GSG1L: variants seen among roughly 807,000 people sequenced by gnomAD.
GSG1L encodes the protein germ cell-specific gene 1-like protein.
In GSG1L, 24 loss-of-function variants were observed where a neutral mutation model predicts 42.1. The observed-to-expected ratio is 0.57, with a 90% confidence interval of 0.41 to 0.80. GSG1L has a LOEUF of 0.80. Ranked by LOEUF, GSG1L falls within the 30% of genes least tolerant of loss-of-function variation. GSG1L has a pLI of 0.00. For missense variants in GSG1L, 445 were observed against 472.2 expected (o/e 0.94, Z 0.53); for synonymous variants, 215 against 203.5 (o/e 1.06, Z -0.48).
chr16:27,794,224 C>T (rs536549175), intron 6 of GSG1L, among the ~76,000 whole-genome samples: 42 of 152,270 alleles, frequency 2.8e-4, no homozygotes, highest in Admixed American at 8.5e-4. Flanking sequence ...CGCTCTGTTC[C>T]ACAGCCTGGT....
intron 2 of GSG1L, among the ~76,000 whole-genome samples, chr16:27,959,101 A>G (rs1357290946): frequency 6.6e-6 from 1 of 151,812 alleles, no homozygotes; most frequent in Non-Finnish European, 1.5e-5. Flanking sequence ...TGGAGTGATG[A>G]GAGTGTCTTA....
At chr16:27,882,291 G>A (rs2083968167) in intron 3 of GSG1L, among the ~76,000 whole-genome samples, 1 of 152,158 alleles carries the variant, frequency 6.6e-6, no homozygotes, top group Non-Finnish European at 1.5e-5. Flanking sequence ...GGATCTGTGA[G>A]TCCATTAAAC....
chr16:27,868,876 C>T (rs2083765403), intron 3 of GSG1L, among the ~76,000 whole-genome samples: 1 of 152,136 alleles, frequency 6.6e-6, no homozygotes, highest in African/African-American at 2.4e-5. Context: ...ACATTCCCTC[C>T]CAGGCCACTC....
intron 1 of GSG1L, among the ~76,000 whole-genome samples, chr16:28,050,172 G>A (rs1442345840): frequency 6.7e-6 from 1 of 150,040 alleles, no homozygotes; most frequent in Non-Finnish European, 1.5e-5. Context: ...TTATTACAAA[G>A]GAGAGCAAAT....
At chr16:27,944,769 C>A (rs1345156907) in intron 2 of GSG1L, among the ~76,000 whole-genome samples, 1 of 151,910 alleles carries the variant, frequency 6.6e-6, no homozygotes, top group Non-Finnish European at 1.5e-5. Context: ...ATTAGCAAAT[C>A]TATAGAGATA....
intron 1 of GSG1L, among the ~76,000 whole-genome samples, chr16:28,054,493 G>A (rs2086257924): frequency 6.6e-6 from 1 of 152,124 alleles, no homozygotes; most frequent in Non-Finnish European, 1.5e-5. Flanking sequence ...GCCCAGTGTA[G>A]TGGCAGCCAC....
chr16:27,815,955 C>A (rs900184986), intron 5 of GSG1L, among the ~76,000 whole-genome samples: 22 of 152,124 alleles, frequency 1.4e-4, no homozygotes, highest in African/African-American at 4.6e-4. Flanking sequence ...CAGAGCGACA[C>A]CCTCTCTCAA....
At chr16:27,891,346 G>T (rs2084123696) in intron 2 of GSG1L, among the ~76,000 whole-genome samples, 1 of 152,170 alleles carries the variant, frequency 6.6e-6, no homozygotes, top group Non-Finnish European at 1.5e-5. Context: ...GGTGCTAATA[G>T]GTCCTTAACA....
chr16:28,051,040 T>C (rs1224475809), intron 1 of GSG1L, among the ~76,000 whole-genome samples: 1 of 152,202 alleles, frequency 6.6e-6, no homozygotes, highest in Non-Finnish European at 1.5e-5. Context: ...TGTTTCCTGC[T>C]ACAGTCCCCT....
At chr16:27,833,481 C>T (rs1047360363) in intron 4 of GSG1L, among the ~76,000 whole-genome samples, 1 of 152,054 alleles carries the variant, frequency 6.6e-6, no homozygotes, top group East Asian at 1.9e-4. Flanking sequence ...ATTCTAATTC[C>T]TTTGCCTTCC....
intron 2 of GSG1L, among the ~76,000 whole-genome samples, chr16:27,947,649 C>T (rs1456908622): frequency 1.3e-5 from 2 of 151,892 alleles, no homozygotes; most frequent in Non-Finnish European, 2.9e-5. Context: ...TGATAACATG[C>T]ATGAAAGGGA....
chr16:27,960,775 G>C (rs1318454705), intron 2 of GSG1L, among the ~76,000 whole-genome samples: 1 of 152,144 alleles, frequency 6.6e-6, no homozygotes, highest in East Asian at 1.9e-4. Context: ...GAGAGCTACA[G>C]TGTTTGAGAG....
intron 1 of GSG1L, among the ~76,000 whole-genome samples, chr16:28,043,264 G>A (rs760215757): frequency 4.6e-5 from 7 of 152,146 alleles, no homozygotes; most frequent in Non-Finnish European, 7.4e-5. Flanking sequence ...CCCAGAGGGT[G>A]GAAAGCAAGG....
intron 1 of GSG1L, among the ~76,000 whole-genome samples, chr16:28,054,598 C>T (rs539060553): frequency 6.6e-6 from 1 of 152,148 alleles, no homozygotes; most frequent in South Asian, 2.1e-4. Flanking sequence ...CACTGCACTC[C>T]AGCCTCGGCA....
intron 2 of GSG1L, among the ~76,000 whole-genome samples, chr16:27,931,154 T>C (rs2084653517): frequency 1.3e-5 from 2 of 152,190 alleles, no homozygotes; most frequent in African/African-American, 4.8e-5. Flanking sequence ...ATTTGACATC[T>C]GCTTCTTCAC....
intron 2 of GSG1L, among the ~76,000 whole-genome samples, chr16:27,935,121 G>A (rs192320555): frequency 2.1e-4 from 32 of 152,310 alleles, no homozygotes; most frequent in African/African-American, 6.3e-4. Context: ...TCTCCAAGGC[G>A]AGGACATTGA....
At chr16:27,827,366 C>T (rs1038145980) in intron 5 of GSG1L, among the ~76,000 whole-genome samples, 1 of 152,148 alleles carries the variant, frequency 6.6e-6, no homozygotes, top group Non-Finnish European at 1.5e-5. Flanking sequence ...GAGAGAGTAA[C>T]AGCCTGTGAT....
At chr16:27,796,374 A>G (rs1347640185) in intron 6 of GSG1L, among the ~76,000 whole-genome samples, 1 of 152,164 alleles carries the variant, frequency 6.6e-6, no homozygotes, top group African/African-American at 2.4e-5. Flanking sequence ...TGACACTCTC[A>G]TCGCTCTTCT....
intron 1 of GSG1L, among the ~76,000 whole-genome samples, chr16:28,006,647 A>G (rs906740832): frequency 5.3e-4 from 81 of 152,112 alleles, no homozygotes; most frequent in African/African-American, 1.9e-3. Flanking sequence ...ACTGTCCTGG[A>G]TTCCGGCCTG....
Sources: gnomAD v4.1 joint callset for allele counts (sites outside exome capture counted in the v4.1 genomes callset) on GRCh38, gnomAD v4.1.1 for gene constraint, MANE v1.5 for transcripts, NCBI Gene and HGNC (gene_info 2026-07-23, HGNC 2026-07-21) for gene names.